Variants in MYCBP2 observed in about 807,000 individuals in gnomAD.
The protein encoded by MYCBP2 is MYC binding protein 2, also known as E3 ubiquitin-protein ligase MYCBP2.
Under a neutral mutation model 525.3 loss-of-function variants are expected in MYCBP2, and 120 were observed. The ratio of observed to expected loss-of-function variants is 0.23; its 90% CI spans 0.20 to 0.27. The LOEUF (loss-of-function observed/expected upper bound fraction) is 0.27, where lower values mean the gene tolerates loss of function less well. Ranked by LOEUF, MYCBP2 falls within the 10% of genes least tolerant of loss-of-function variation. MYCBP2 has a pLI of 1.00. For missense variants in MYCBP2, 4,149 were observed against 5,657.1 expected, an observed-to-expected ratio of 0.73 and a Z score of 8.55; for synonymous variants, 1,894 against 1,955.8, an observed-to-expected ratio of 0.97 and a Z score of 0.83.
At chr13:77,202,981 G>A (rs1431838824) in intron 26 of MYCBP2, among the ~76,000 whole-genome samples, 4 of 151,760 alleles carry the variant, frequency 2.6e-5, no homozygotes, top group African/African-American at 9.7e-5. Flanking sequence ...TTGAAAACTG[G>A]CACAAGACAG....
At chr13:77,204,246 C>G (rs1385960894) in intron 26 of MYCBP2, among the ~76,000 whole-genome samples, 1 of 152,014 alleles carries the variant, frequency 6.6e-6, no homozygotes, top group East Asian at 1.9e-4. Flanking sequence ...AGGACATGAA[C>G]AGACACTTCT....
intron 26 of MYCBP2, among the ~76,000 whole-genome samples, chr13:77,199,143 C>T (rs1224026170): frequency 2.0e-5 from 3 of 152,226 alleles, no homozygotes; most frequent in Non-Finnish European, 4.4e-5. Context: ...GTTCATCTCA[C>T]TAGGGAGTGC....
intron 47 of MYCBP2, among the ~76,000 whole-genome samples, chr13:77,148,237 G>A (rs2055923245): frequency 6.6e-6 from 1 of 151,928 alleles, no homozygotes; most frequent in South Asian, 2.1e-4. Flanking sequence ...AATTCATAAT[G>A]AGATTATTAA....
rs2058122604 is a variant in MYCBP2 at position 77,163,003 on chromosome 13, T to G, written c.6548-1048A>C. On this transcript the variant is annotated intron_variant, in intron 43 of 82. Coordinates refer to ENST00000544440, the MANE Select transcript of MYCBP2 (RefSeq NM_015057.5). ...ATGGGACCTTCTTCTGCAACTTGCT[T>G]TTCTCAATATAATTTGGACAGCTTT... 1.3e-5 allele frequency among the ~76,000 whole-genome samples: 2 copies of G among 152,182 alleles called. 1 individual carries two copies. Among genetic ancestry groups the G allele is most frequent in the South Asian group, 4.1e-4 (2 of 4,828 alleles).
chr13:77,283,624 C>T (rs747746699), intron 3 of MYCBP2, among the ~76,000 whole-genome samples: 9 of 152,154 alleles, frequency 5.9e-5, no homozygotes, highest in Non-Finnish European at 1.0e-4. Context: ...GCACCAGGCA[C>T]GGTGACTCCT....
At chr13:77,095,655 A>G in intron 57 of MYCBP2, 53 bp from the exon 58 acceptor site, 1 of 1,573,534 alleles carries the variant, frequency 6.4e-7, no homozygotes, top group South Asian at 1.2e-5. Context: ...TAAAATCCTT[A>G]GTTTCTTAAG....
intron 26 of MYCBP2, among the ~76,000 whole-genome samples, chr13:77,202,566 C>T (rs1593829994): frequency 2.0e-5 from 3 of 151,970 alleles, no homozygotes; most frequent in South Asian, 4.2e-4. Flanking sequence ...CATCCTGATA[C>T]CAAAGCCGGG....
At chr13:77,150,705 A>T (rs751778476) in intron 47 of MYCBP2, 29 bp downstream of exon 47, 5 of 1,594,380 alleles carry the variant, frequency 3.1e-6, no homozygotes, top group Non-Finnish European at 4.3e-6. Flanking sequence ...CTGAAAACTA[A>T]AATTTTTCTG....
chr13:77,188,933 T>A lies in MYCBP2; in HGVS notation c.4251+18A>T. 6.4e-7 allele frequency: 1 copy of A among 1,570,932 alleles called. No individual in the cohort carries two copies. The highest frequency in any genetic ancestry group is 8.6e-7 in the Non-Finnish European group (1 of 1,161,694). On this transcript the variant is annotated intron_variant, in intron 30 of 82. Coordinates refer to ENST00000544440, the MANE Select transcript of MYCBP2 (RefSeq NM_015057.5). ...AGGACTGAAGAGAAAAGCTGAAATT[T>A]TTTAAAACATGGCTTACCACTGAGA...
chr13:77,193,787 C>A (rs1043969568), intron 27 of MYCBP2, among the ~76,000 whole-genome samples: 1 of 152,026 alleles, frequency 6.6e-6, no homozygotes, highest in Non-Finnish European at 1.5e-5. Flanking sequence ...GACCACTTGA[C>A]GCTAATTATT....
intron 1 of MYCBP2, among the ~76,000 whole-genome samples, chr13:77,299,715 G>A (rs921388444): frequency 5.9e-5 from 9 of 152,066 alleles, no homozygotes; most frequent in South Asian, 2.1e-4. Context: ...ATGATTTAGG[G>A]CTTTATATTC....
intron 68 of MYCBP2, among the ~76,000 whole-genome samples, chr13:77,070,988 C>T (rs1421864525): frequency 6.6e-6 from 1 of 152,024 alleles, no homozygotes; most frequent in Non-Finnish European, 1.5e-5. Flanking sequence ...AAATCTATTT[C>T]TAAATTGTAA....
chr13:77,260,793 G>T (rs944185955), intron 12 of MYCBP2, among the ~76,000 whole-genome samples: 1 of 151,958 alleles, frequency 6.6e-6, no homozygotes, highest in Non-Finnish European at 1.5e-5. Flanking sequence ...TAATATTTAC[G>T]CTATCATTGC....
chr13:77,225,979 T>A (rs2066202425), intron 18 of MYCBP2, among the ~76,000 whole-genome samples: 1 of 152,244 alleles, frequency 6.6e-6, no homozygotes, highest in Non-Finnish European at 1.5e-5. Context: ...AAATTGCTAA[T>A]GGATTCACAA....
intron 66 of MYCBP2, chr13:77,077,590 AAACT>A (rs2042533582): frequency 1.7e-6 from 1 of 577,902 alleles, no homozygotes; most frequent in Admixed American, 3.4e-5. Flanking sequence ...ACAGATGAAG[AAACT>A]AAGGTTAATA....
At position 77,281,906 on chromosome 13, in the gene MYCBP2, T is replaced by C. The variant is rs180862287; in HGVS notation, c.595-2995A>G. Reference sequence around the variant, plus strand: ...TAAAATCACTTCCTATACTTTTATATTTGAAAAAGCTCAAAAGGAAATCAA... The same window carrying C: ...TAAAATCACTTCCTATACTTTTATACTTGAAAAAGCTCAAAAGGAAATCAA... On this transcript the variant is annotated intron_variant, in intron 3 of 82. Transcript: ENST00000544440. Among the ~76,000 whole-genome samples the C allele has an allele frequency of 1.7e-3, 254 of 152,352 alleles. 4 individuals are homozygous for C. The highest frequency in any genetic ancestry group is 5.4e-3 in the African/African-American group (225 of 41,582).
At chr13:77,047,477 A>C (rs1179758773) in intron 82 of MYCBP2, among the ~76,000 whole-genome samples, 1 of 152,162 alleles carries the variant, frequency 6.6e-6, no homozygotes, top group Non-Finnish European at 1.5e-5. Flanking sequence ...CTCCAAATTT[A>C]TATACTGACG....
chr13:77,296,489 C>T (rs536270611), intron 2 of MYCBP2, 110 bp downstream of exon 2: 2 of 1,212,526 alleles, frequency 1.6e-6, no homozygotes, highest in South Asian at 1.7e-5. Flanking sequence ...TACAAAATTA[C>T]TTCAGCACAT....
chr13:77,116,376 A>C (rs2049767084), intron 55 of MYCBP2, among the ~76,000 whole-genome samples: 1 of 151,964 alleles, frequency 6.6e-6, no homozygotes, highest in Non-Finnish European at 1.5e-5. Flanking sequence ...TCAGGGAAGA[A>C]TACCTTGCTT....
Sources: gnomAD v4.1 joint callset for allele counts (sites outside exome capture counted in the v4.1 genomes callset) on GRCh38, gnomAD v4.1.1 for gene constraint, MANE v1.5 for transcripts, NCBI Gene and HGNC (gene_info 2026-07-23, HGNC 2026-07-21) for gene names.